The following TENM4 variants were observed in gnomAD, a reference collection of about 807,000 sequenced individuals.
The protein encoded by TENM4 is teneurin-4.
A neutral mutation model predicts 243.3 loss-of-function variants in TENM4; 82 were observed. That is an observed-to-expected ratio of 0.34 (90% CI 0.28 to 0.40). The LOEUF is 0.40. TENM4 is among the 10% of genes least tolerant of loss of function. The pLI is 1.00. For missense variants in TENM4, 3,138 were observed against 3,673.3 expected (o/e 0.85, Z 3.77); for synonymous variants, 1,412 against 1,456.3 (o/e 0.97, Z 0.69).
intron 1 of TENM4, among the ~76,000 whole-genome samples, chr11:79,436,350 TA>T (rs11455052): frequency 3.8e-4 from 57 of 151,364 alleles, no homozygotes; most frequent in African/African-American, 1.1e-3. Flanking sequence ...GACTGGATCA[TA>T]AAAAAAAACC....
rs376925516 is a variant in TENM4, at chr11:78,732,388, G to C, written c.3066C>G (p.Val1022=). ...DLSNFARPNP[V]VSPSPLTSFA... ...AGGACGTCAGTGGGGATGGAGAGAC[G>C]ACTGGGTTGGGGCGGGCAAAATTGC... Residue 1022 remains valine (V), a synonymous_variant, in exon 21 of 34, where the codon GTC becomes GTG. Transcript: ENST00000278550. The C allele has an allele frequency of 6.8e-6, 11 of 1,613,874 alleles. No individual in the cohort carries two copies. Among genetic ancestry groups the C allele is most frequent in the African/African-American group, 1.3e-5 (1 of 74,918 alleles).
rs922463227 is a variant in TENM4 at position 79,298,200 on chromosome 11, T to C, written c.-320-657A>G. On this transcript the variant is annotated intron_variant, in intron 1 of 33. Transcript: ENST00000278550. ...AGAAGAGTGAGAAGTGAGCAACTTT[T>C]GGAGCCCTCAGACTGGTCTTTCCCT... is the stretch of plus-strand genomic sequence containing the variant. 2.6e-5 allele frequency among the ~76,000 whole-genome samples: 4 copies of C among 152,126 alleles called. No individual in the cohort carries two copies. In the East Asian group the frequency reaches 5.8e-4, roughly 22 times the overall value.
At chr11:79,123,793 G>A (rs1038217149) in intron 4 of TENM4, among the ~76,000 whole-genome samples, 1 of 152,066 alleles carries the variant, frequency 6.6e-6, no homozygotes, top group African/African-American at 2.4e-5. Context: ...AGAGGGGTTT[G>A]AATAAACACG....
At chr11:78,685,931 C>A (rs1324911682) in intron 29 of TENM4, among the ~76,000 whole-genome samples, 2 of 152,232 alleles carry the variant, frequency 1.3e-5, no homozygotes, top group African/African-American at 4.8e-5. Flanking sequence ...AACTCCTATA[C>A]CCCTTCTCAT....
chr11:79,417,977 G>T (rs1858854173), intron 1 of TENM4, among the ~76,000 whole-genome samples: 1 of 152,146 alleles, frequency 6.6e-6, no homozygotes, highest in Non-Finnish European at 1.5e-5. Context: ...CTTCCTGGCT[G>T]GGGTGCAGGC....
chr11:79,245,593 G>A (rs939114888), intron 2 of TENM4, among the ~76,000 whole-genome samples: 14 of 152,124 alleles, frequency 9.2e-5, no homozygotes, highest in African/African-American at 7.2e-5. Flanking sequence ...GAGATGTCAC[G>A]TGAAAAGTAC....
chr11:79,262,261 A>C (rs1310090946), intron 2 of TENM4, among the ~76,000 whole-genome samples: 4 of 152,182 alleles, frequency 2.6e-5, no homozygotes, highest in Non-Finnish European at 5.9e-5. Flanking sequence ...GGGCATGGAA[A>C]GGCTGAGAGG....
chr11:79,079,405 C>T (rs1410095386), intron 4 of TENM4, among the ~76,000 whole-genome samples: 2 of 152,348 alleles, frequency 1.3e-5, no homozygotes, highest in African/African-American at 4.8e-5. Context: ...TAGGACACAA[C>T]AGGCCTTCCA....
At chr11:79,165,227 C>T (rs1862886861) in intron 3 of TENM4, among the ~76,000 whole-genome samples, 1 of 152,054 alleles carries the variant, frequency 6.6e-6, no homozygotes, top group African/African-American at 2.4e-5. Flanking sequence ...CACTATTTTC[C>T]ATAGTGGTTA....
Position 78,814,309 on chromosome 11 carries a change from G to A in TENM4, c.1768C>T (p.Pro590Ser). The A allele has an allele frequency of 1.3e-6, 2 of 1,550,046 alleles. No individual in the cohort carries two copies. The highest frequency in any genetic ancestry group is 1.7e-4 in the Middle Eastern group (1 of 5,964). The change falls in exon 13 of 34, where the codon CCC becomes TCC. Residue 590 changes from proline to serine, a missense_variant. Pro to Ser is a moderately conservative substitution (Grantham distance 74). Transcript: ENST00000278550. The stretch of plus-strand genomic sequence containing the variant: ...GAGTTCTCACCTCTGCCACAGTCGG[G>A]GCCCAGGAAACCCAGGAAGCAGTGG... ...TCHCFLGFLG[P>S]DCGRASCPVL...
At chr11:79,408,115 G>T (rs1334042212) in intron 1 of TENM4, among the ~76,000 whole-genome samples, 1 of 152,118 alleles carries the variant, frequency 6.6e-6, no homozygotes, top group Non-Finnish European at 1.5e-5. Flanking sequence ...TTTTGGCCAG[G>T]CTGGTATCGA....
At chr11:79,281,286 A>G (rs377484169) in intron 2 of TENM4, among the ~76,000 whole-genome samples, 5 of 152,222 alleles carry the variant, frequency 3.3e-5, no homozygotes, top group African/African-American at 1.2e-4. Context: ...GGAGATGGAG[A>G]CTCAGAAAGT....
At chr11:78,773,268 A>T (rs1415494612) in intron 17 of TENM4, among the ~76,000 whole-genome samples, 1 of 152,190 alleles carries the variant, frequency 6.6e-6, no homozygotes. Flanking sequence ...CAAGCTTGAG[A>T]GGCATATCAA....
At chr11:78,931,051 T>C (rs1490386892) in intron 6 of TENM4, among the ~76,000 whole-genome samples, 4 of 152,188 alleles carry the variant, frequency 2.6e-5, no homozygotes, top group Non-Finnish European at 5.9e-5. Context: ...AAATTTCACT[T>C]CATCATGTTG....
At chr11:79,309,572 G>C (rs1375681000) in intron 1 of TENM4, among the ~76,000 whole-genome samples, 1 of 152,190 alleles carries the variant, frequency 6.6e-6, no homozygotes. Context: ...TGTACTGTAG[G>C]CAATTCTAAC....
intron 2 of TENM4, among the ~76,000 whole-genome samples, chr11:79,282,703 T>C (rs760985597): frequency 6.6e-6 from 1 of 152,172 alleles, no homozygotes; most frequent in African/African-American, 2.4e-5. Context: ...GGTGTAAGCA[T>C]TGGTCTTGTT....
intron 4 of TENM4, among the ~76,000 whole-genome samples, chr11:79,087,918 A>C (rs1304873490): frequency 6.6e-6 from 1 of 152,186 alleles, no homozygotes; most frequent in Non-Finnish European, 1.5e-5. Context: ...AGCCTCCCTC[A>C]GCAACTGTGG....
chr11:78,858,638 T>A (rs767607206), intron 10 of TENM4, among the ~76,000 whole-genome samples: 3 of 152,220 alleles, frequency 2.0e-5, no homozygotes, highest in African/African-American at 4.8e-5. Flanking sequence ...AGACTTTTTG[T>A]CCTTAATTCT....
At chr11:79,033,548 T>C (rs1194519430) in intron 6 of TENM4, among the ~76,000 whole-genome samples, 1 of 152,220 alleles carries the variant, frequency 6.6e-6, no homozygotes, top group African/African-American at 2.4e-5. Context: ...GATTACATGG[T>C]GCCAAAGCAC....
Sources: allele counts gnomAD v4.1 joint callset (sites outside exome capture counted in the v4.1 genomes callset), GRCh38; gene constraint gnomAD v4.1.1; transcripts MANE v1.5; gene names NCBI Gene and HGNC (gene_info 2026-07-23, HGNC 2026-07-21).